Variants in SLX9 observed in about 807,000 individuals in gnomAD.
SLX9 encodes the protein SLX9 ribosome biogenesis factor.
SLX9 carries 19 observed loss-of-function variants against 20.8 expected under a neutral mutation model. That is an observed-to-expected ratio of 0.91 (90% CI 0.64 to 1.34). SLX9 has a LOEUF of 1.34. Ranked by LOEUF, SLX9 falls within the 40% of genes most tolerant of loss-of-function variation. The pLI is 0.00. For missense variants in SLX9, 299 were observed against 322.2 expected (o/e 0.93, Z 0.55); for synonymous variants, 113 against 137.1 (o/e 0.82, Z 1.23).
intron 5 of SLX9, among the ~76,000 whole-genome samples, chr21:44,973,827 A>G (rs1479286014): frequency 6.6e-6 from 1 of 152,116 alleles, no homozygotes; most frequent in African/African-American, 2.4e-5. Flanking sequence ...TGTCTGCTCC[A>G]GGGGGGCTTT....
At chr21:44,963,965 G>C (rs2084990141) in intron 3 of SLX9, among the ~76,000 whole-genome samples, 1 of 152,174 alleles carries the variant, frequency 6.6e-6, no homozygotes, top group African/African-American at 2.4e-5. Flanking sequence ...ACCTAGTGGG[G>C]TTATGATTGG....
chr21:44,976,860 G>T lies in SLX9; in HGVS notation c.*57G>T. 3 of 1,533,496 alleles carry T rather than the reference G, an allele frequency of 2.0e-6. No homozygotes were observed. Among genetic ancestry groups the T allele is most frequent in the Non-Finnish European group, 2.6e-6 (3 of 1,145,924 alleles). The allele number at this position is 1,533,496 out of a possible 1,614,324, so 95.0% of individuals were successfully genotyped here. Reference sequence around the variant, plus strand: ...GACACATGTGGGCCAAGTAGAGAGCGCCGGCCCCTCAAGGACCATGGCCTG... The same window carrying T: ...GACACATGTGGGCCAAGTAGAGAGCTCCGGCCCCTCAAGGACCATGGCCTG... On this transcript the variant is annotated 3_prime_UTR_variant, in exon 6 of 6. Transcript: ENST00000291634.
chr21:44,960,082 C>G lies in SLX9; in HGVS notation c.284-18C>G. ...CACCTGGACACGTTTTGCTCACTCCCGTGTTCTCTTTCCTCAGGTGCAGAG... is the reference window on the plus strand; with the variant it reads ...CACCTGGACACGTTTTGCTCACTCCGGTGTTCTCTTTCCTCAGGTGCAGAG... On this transcript the variant is annotated intron_variant, in intron 2 of 5. Coordinates refer to ENST00000291634, the MANE Select transcript of SLX9 (RefSeq NM_058190.4). 1 of 1,613,848 alleles carries G rather than the reference C, an allele frequency of 6.2e-7. No homozygotes were observed. The highest frequency in any genetic ancestry group is 8.5e-7 in the Non-Finnish European group (1 of 1,179,734).
chr21:44,974,332 G>C (rs1471659165), intron 5 of SLX9, among the ~76,000 whole-genome samples: 1 of 128,006 alleles, frequency 7.8e-6, no homozygotes, highest in African/African-American at 3.9e-5. Flanking sequence ...AGAAGCTGCT[G>C]TCTGTTTTGT....
Position 44,971,971 on chromosome 21 carries a change from A to G in SLX9, c.501-1226A>G, listed in dbSNP as rs1000382721. On this transcript the variant is annotated intron_variant, in intron 4 of 5. Transcript: ENST00000291634. ...CTGTCATCTGCCAGTGTGAGCAGGA[A>G]GGGATGGGGACTGATTCCTTCCCCA... Among the ~76,000 whole-genome samples, 6 of 152,204 alleles carry G rather than the reference A, an allele frequency of 3.9e-5. 1 individual carries two copies. Among genetic ancestry groups the G allele is most frequent in the African/African-American group, 1.4e-4 (6 of 41,466 alleles).
At chr21:44,955,463 A>G (rs559568956) in intron 2 of SLX9, among the ~76,000 whole-genome samples, 2 of 152,070 alleles carry the variant, frequency 1.3e-5, no homozygotes, top group South Asian at 4.1e-4. Context: ...GAAAAACTCA[A>G]TGCCAACTAC....
rs35304604 is a variant in SLX9 at position 44,968,753 on chromosome 21, C to CTTTT, written c.500+1586_500+1589dup. Among the ~76,000 whole-genome samples, 9 of 132,946 alleles carry CTTTT rather than the reference C, an allele frequency of 6.8e-5. 2 individuals carry two copies. Among genetic ancestry groups the CTTTT allele is most frequent in the Non-Finnish European group, 6.4e-5 (4 of 62,748 alleles). 87.2% of individuals were successfully genotyped at this position (132,946 alleles called of 152,430 possible). ...CTCATTCATTTGTGTCATCTCTGTG[C>CTTTT]TTTTTTTTTTTTTTTTTGGAGACGG... On this transcript the variant is annotated intron_variant, in intron 4 of 5. Coordinates refer to ENST00000291634, the MANE Select transcript of SLX9 (RefSeq NM_058190.4).
In SLX9 at chr21:44,976,560, T is replaced by C. The variant is rs7283338; in HGVS notation, c.570-120T>C. On this transcript the variant is annotated intron_variant, in intron 5 of 5. Coordinates refer to ENST00000291634, the MANE Select transcript of SLX9 (RefSeq NM_058190.4). ...CCGGAAGTTTCCGAGGCCCCAGTACTCAGTCCCGTGGTGGCCCCAGGCCTC... is the reference window on the plus strand; with the variant it reads ...CCGGAAGTTTCCGAGGCCCCAGTACCCAGTCCCGTGGTGGCCCCAGGCCTC... 9.3e-3 allele frequency: 13,358 copies of C among 1,439,016 alleles called. 940 individuals carry two copies. In the African/African-American group the frequency reaches 0.16, roughly 17 times the overall value. The allele number at this position is 1,439,016 out of a possible 1,614,324, so 89.1% of individuals were successfully genotyped here.
chr21:44,939,929 G>A, upstream of SLX9: 1 of 1,010,234 alleles, frequency 9.9e-7, no homozygotes, highest in African/African-American at 1.7e-5. Flanking sequence ...GCCCGCCCGA[G>A]CCGCTTCCGG....
rs764239525 is a variant in SLX9 at position 44,973,151 on chromosome 21, T to G, written c.501-46T>G. 4 of 1,609,250 alleles carry G rather than the reference T, an allele frequency of 2.5e-6. No homozygotes were observed. The South Asian group carries it at 3.3e-5, about 13-fold the overall frequency. On this transcript the variant is annotated intron_variant, in intron 4 of 5. Coordinates refer to ENST00000291634, the MANE Select transcript of SLX9 (RefSeq NM_058190.4). The stretch of plus-strand genomic sequence containing the variant: ...CAGCCTCTGCCCACGGGAAGGTGTT[T>G]AGGGGATGCTGGATGCTGACTCACG...
At chr21:44,948,273 G>GGGCA (rs1402932474) in intron 2 of SLX9, among the ~76,000 whole-genome samples, 1 of 143,360 alleles carries the variant, frequency 7.0e-6, no homozygotes, top group Non-Finnish European at 1.5e-5. Context: ...GCATCGGGCG[G>GGGCA]TCCGGGGAGC....
chr21:44,942,636 G>GGAGAAAAGCGTACCA (rs1483717533), intron 1 of SLX9, among the ~76,000 whole-genome samples: 2 of 152,238 alleles, frequency 1.3e-5, no homozygotes, highest in African/African-American at 4.8e-5. Context: ...CAGATTAACA[G>GGAGAAAAGCGTACCA]GAGAAAAGCG....
intron 4 of SLX9, among the ~76,000 whole-genome samples, chr21:44,971,338 T>C (rs2085144755): frequency 1.3e-5 from 2 of 151,956 alleles, no homozygotes; most frequent in East Asian, 1.9e-4. Flanking sequence ...CCCATGACGG[T>C]AACCGCCCAG....
intron 2 of SLX9, among the ~76,000 whole-genome samples, chr21:44,944,555 C>T (rs972827222): frequency 3.9e-5 from 6 of 152,198 alleles, no homozygotes; most frequent in African/African-American, 7.2e-5. Flanking sequence ...AGGGATAAAT[C>T]CAGGAAAAAG....
intron 3 of SLX9, among the ~76,000 whole-genome samples, chr21:44,962,381 G>C (rs2084961455): frequency 6.6e-6 from 1 of 152,172 alleles, no homozygotes; most frequent in Non-Finnish European, 1.5e-5. Context: ...GTCGTCCACA[G>C]TTGAGCTTTT....
chr21:44,949,801 C>T (rs999670052), intron 2 of SLX9, among the ~76,000 whole-genome samples: 2 of 152,242 alleles, frequency 1.3e-5, no homozygotes, highest in East Asian at 1.9e-4. Flanking sequence ...CTCTCCCGGT[C>T]AGCACAGAGC....
intron 2 of SLX9, chr21:44,959,129 G>A: frequency 1.2e-6 from 1 of 843,702 alleles, no homozygotes; most frequent in Non-Finnish European, 1.4e-6. Context: ...GGCCTTGGAG[G>A]TTTCACACCG....
intron 3 of SLX9, among the ~76,000 whole-genome samples, chr21:44,966,427 G>A (rs2085036755): frequency 6.6e-6 from 1 of 152,208 alleles, no homozygotes; most frequent in Non-Finnish European, 1.5e-5. Context: ...CAGCATGTCC[G>A]AGCATGTGTT....
chr21:44,963,697 C>T (rs1177217484), intron 3 of SLX9, among the ~76,000 whole-genome samples: 1 of 151,906 alleles, frequency 6.6e-6, no homozygotes, highest in Admixed American at 6.6e-5. Context: ...GTTTTGTTGC[C>T]TTTGTGAAAA....
Sources: allele counts gnomAD v4.1 joint callset (sites outside exome capture counted in the v4.1 genomes callset), GRCh38; gene constraint gnomAD v4.1.1; transcripts MANE v1.5; gene names NCBI Gene and HGNC (gene_info 2026-07-23, HGNC 2026-07-21).